Variants in PGCKA1 observed in about 807,000 individuals in gnomAD.
PGCKA1 encodes the protein PDCD10 and GCKIII kinases associated 1.
At chr4:37,493,582 G>T in the PGCKA1 span, among the ~76,000 whole-genome samples, 1 of 152,112 alleles carries the variant, frequency 6.6e-6, no homozygotes, top group Non-Finnish European at 1.5e-5. Flanking sequence ...TTATAAAATG[G>T]CTTAGGAACT....
chr4:37,528,934 T>C, the PGCKA1 span, among the ~76,000 whole-genome samples: 1 of 152,224 alleles, frequency 6.6e-6, no homozygotes, highest in Non-Finnish European at 1.5e-5. Flanking sequence ...TTAAGCTTGG[T>C]ACATATATAC....
chr4:37,491,235 A>C, the PGCKA1 span, among the ~76,000 whole-genome samples: 3 of 152,088 alleles, frequency 2.0e-5, no homozygotes, highest in Non-Finnish European at 4.4e-5. Flanking sequence ...GATATTGTAC[A>C]TTGACTTTCC....
At chr4:37,472,384 A>G in the PGCKA1 span, among the ~76,000 whole-genome samples, 1 of 152,190 alleles carries the variant, frequency 6.6e-6, no homozygotes, top group East Asian at 1.9e-4. Context: ...ATCAACTCTA[A>G]CCAAATAAAA....
chr4:37,456,445 G>A, the PGCKA1 span, among the ~76,000 whole-genome samples: 67 of 152,248 alleles, frequency 4.4e-4, no homozygotes, highest in Non-Finnish European at 7.9e-4. Context: ...CAATGAATAC[G>A]TGTCCTGAAA....
chr4:37,564,201 G>A, the PGCKA1 span, among the ~76,000 whole-genome samples: 1 of 150,494 alleles, frequency 6.6e-6, no homozygotes, highest in Non-Finnish European at 1.5e-5. Context: ...TTGGACCCGG[G>A]AGTCGGAGGT....
At chr4:37,575,746 T>C in the PGCKA1 span, among the ~76,000 whole-genome samples, 1 of 152,158 alleles carries the variant, frequency 6.6e-6, no homozygotes, top group Non-Finnish European at 1.5e-5. Flanking sequence ...TAGATTTATG[T>C]CTTTAATCCA....
chr4:37,539,890 CAG>C, the PGCKA1 span, among the ~76,000 whole-genome samples: 1 of 152,136 alleles, frequency 6.6e-6, no homozygotes, highest in African/African-American at 2.4e-5. Context: ...ATGATCAAAA[CAG>C]GGTATTTAGC....
At chr4:37,458,019 T>C in the PGCKA1 span, among the ~76,000 whole-genome samples, 1 of 152,184 alleles carries the variant, frequency 6.6e-6, no homozygotes, top group South Asian at 2.1e-4. Flanking sequence ...TTCAAAACTA[T>C]CTGTTAGAAA....
the PGCKA1 span, among the ~76,000 whole-genome samples, chr4:37,584,741 G>A: frequency 7.9e-5 from 12 of 152,090 alleles, no homozygotes; most frequent in East Asian, 1.2e-3. Context: ...GTCAGCCTCC[G>A]AGGAGCTGGG....
At chr4:37,588,923 C>G in the PGCKA1 span, 3 of 1,591,142 alleles carry the variant, frequency 1.9e-6, no homozygotes, top group South Asian at 2.2e-5. Flanking sequence ...AATACTACTT[C>G]TAAATGGAGG....
chr4:37,536,181 T>G, the PGCKA1 span, among the ~76,000 whole-genome samples: 1 of 152,156 alleles, frequency 6.6e-6, no homozygotes, highest in African/African-American at 2.4e-5. Flanking sequence ...AGCACAGCAC[T>G]TTGATGGTTC....
chr4:37,569,845 A>C, the PGCKA1 span, among the ~76,000 whole-genome samples: 3 of 152,138 alleles, frequency 2.0e-5, no homozygotes, highest in Non-Finnish European at 4.4e-5. Flanking sequence ...ACCCATGAGC[A>C]CTTCCCTGCA....
At chr4:37,454,796 A>G in the PGCKA1 span, among the ~76,000 whole-genome samples, 3 of 152,240 alleles carry the variant, frequency 2.0e-5, no homozygotes, top group Non-Finnish European at 4.4e-5. Context: ...GCAAGGATCA[A>G]TGCTTTTTAC....
At chr4:37,521,861 A>G in the PGCKA1 span, among the ~76,000 whole-genome samples, 1 of 151,906 alleles carries the variant, frequency 6.6e-6, no homozygotes, top group African/African-American at 2.4e-5. Flanking sequence ...GTAGATCTGG[A>G]TACCCCAGTG....
At chr4:37,540,487 T>C in the PGCKA1 span, among the ~76,000 whole-genome samples, 2 of 152,376 alleles carry the variant, frequency 1.3e-5, no homozygotes, top group Non-Finnish European at 2.9e-5. Context: ...TTTTCTTTTT[T>C]CTGTGGAGAT....
the PGCKA1 span, among the ~76,000 whole-genome samples, chr4:37,516,691 G>C: frequency 1.3e-5 from 2 of 152,144 alleles, no homozygotes; most frequent in African/African-American, 4.8e-5. Flanking sequence ...CTTGTGACAC[G>C]CTGCAGTAAA....
At chr4:37,493,051 GATAT>G in the PGCKA1 span, among the ~76,000 whole-genome samples, 1 of 151,892 alleles carries the variant, frequency 6.6e-6, no homozygotes, top group African/African-American at 2.4e-5. Context: ...TATGTGTATA[GATAT>G]ATATATGTAT....
At chr4:37,588,367 A>C in the PGCKA1 span, 2 of 156,350 alleles carry the variant, frequency 1.3e-5, no homozygotes, top group African/African-American at 4.8e-5. Context: ...GACACAATGG[A>C]TCCGCCAGCT....
chr4:37,575,650 G>A, the PGCKA1 span, among the ~76,000 whole-genome samples: 6 of 152,054 alleles, frequency 3.9e-5, no homozygotes, highest in Admixed American at 1.3e-4. Context: ...TTTGTTTCTT[G>A]GGTATTACTC....
Sources: gnomAD v4.1 joint callset for allele counts (sites outside exome capture counted in the v4.1 genomes callset) on GRCh38, gnomAD v4.1.1 for gene constraint, MANE v1.5 for transcripts, NCBI Gene and HGNC (gene_info 2026-07-23, HGNC 2026-07-21) for gene names.